TRIM7: variants seen among roughly 807,000 people sequenced by gnomAD.
The protein encoded by TRIM7 is E3 ubiquitin-protein ligase TRIM7.
TRIM7 carries 32 observed loss-of-function variants against 37.9 expected under a neutral mutation model. The observed-to-expected ratio is 0.84, with a 90% CI of 0.64 to 1.13. TRIM7 has a LOEUF of 1.13. Ranked by LOEUF, TRIM7 falls within the 50% of genes most tolerant of loss-of-function variation. The pLI is 0.00. For synonymous variants in TRIM7, 351 were observed against 321.3 expected (o/e 1.09, Z -0.99); for missense variants, 732 against 714.0 (o/e 1.03, Z -0.29).
chr5:181,204,564 C>A (rs1355932325), intron 1 of TRIM7, 25 bp downstream of exon 1: 1 of 1,356,268 alleles, frequency 7.4e-7, no homozygotes, highest in Non-Finnish European at 9.4e-7. Context: ...CGGGGACCCA[C>A]GGGGTGGGTG....
chr5:181,197,790 A>G, intron 6 of TRIM7: 1 of 223,616 alleles, frequency 4.5e-6, no homozygotes, highest in Non-Finnish European at 8.9e-6. Context: ...TTGCAAGAGT[A>G]AAAACGATAT....
At chr5:181,200,338 A>G (rs1356489215) in intron 2 of TRIM7, 1 of 1,420,454 alleles carries the variant, frequency 7.0e-7, no homozygotes, top group Non-Finnish European at 9.1e-7. Flanking sequence ...CCATCACCTA[A>G]ACCAAGGCAG....
rs201350955 is a variant in TRIM7 at position 181,198,708 on chromosome 5, T to A, written c.970A>T (p.Met324Leu). The change falls in exon 5 of 7, where the codon ATG (methionine) becomes TTG (leucine). Residue 324 changes from methionine (M) to leucine (L), a missense_variant. Transcript: ENST00000274773. ...VSLKTFVLKGMLKKFKEDLRG... is the reference protein window; with the variant it reads ...VSLKTFVLKGLLKKFKEDLRG... ...CCCCTACCTTTGAACTTCTTCAGCATCCCTTTTAAGACAAAGGTCTTGAGA... is the reference window on the plus strand; with the variant it reads ...CCCCTACCTTTGAACTTCTTCAGCAACCCTTTTAAGACAAAGGTCTTGAGA... The A allele has an allele frequency of 1.9e-6, 3 of 1,613,686 alleles. No individual in the cohort carries two copies. Among genetic ancestry groups the A allele is most frequent in the Non-Finnish European group, 2.5e-6 (3 of 1,179,604 alleles).
intron 6 of TRIM7, 69 bp from the exon 7 acceptor site, chr5:181,195,746 G>C: frequency 1.3e-6 from 2 of 1,490,076 alleles, no homozygotes; most frequent in Non-Finnish European, 1.8e-6. Flanking sequence ...GCAGGGCCGC[G>C]CCCGACCTTG....
intron 5 of TRIM7, 135 bp from the exon 6 acceptor site, chr5:181,198,353 C>G: frequency 2.1e-6 from 2 of 934,498 alleles, no homozygotes; most frequent in Non-Finnish European, 3.4e-6. Context: ...CGTGCAGGCA[C>G]AGGGCCAAGC....
chr5:181,200,276 C>A, intron 2 of TRIM7, 195 bp from the exon 3 acceptor site: 17 of 1,449,476 alleles, frequency 1.2e-5, no homozygotes, highest in Non-Finnish European at 1.4e-5. Context: ...TGGACACATG[C>A]TCTTTTCTCC....
intron 3 of TRIM7, 102 bp from the exon 4 acceptor site, chr5:181,199,219 A>G: frequency 1.4e-6 from 2 of 1,410,962 alleles, no homozygotes; most frequent in South Asian, 1.2e-5. Context: ...ATGTAAGCAT[A>G]AGCAAGTGTG....
chr5:181,199,408 C>A (rs767931915), intron 3 of TRIM7: 30 of 535,438 alleles, frequency 5.6e-5, no homozygotes, highest in Middle Eastern at 5.0e-4. Context: ...CCATGGGACC[C>A]AGTGCTGCGT....
chr5:181,200,392 C>T (rs746918054), intron 2 of TRIM7: 321 of 1,371,994 alleles, frequency 2.3e-4, no homozygotes, highest in Non-Finnish European at 2.9e-4. Context: ...AGCTTCCTCA[C>T]TTGAAAAGCA....
In TRIM7 at chr5:181,195,641, C is replaced by T. The variant is rs1298696444; in HGVS notation, c.1061G>A (p.Arg354His). Reference protein sequence around the residue: ...LTLDPDTANPRLILSLDLKGV... With the variant: ...LTLDPDTANPHLILSLDLKGV... ...CTTAAGATCCAGAGAGAGGATGAGG[C>T]GCGGGTTGGCCGTGTCGGGATCCAA... Residue 354 changes from arginine to histidine, a missense_variant, in exon 7 of 7, where the codon CGC (arginine) becomes CAC (histidine). Transcript: ENST00000274773. 6.5e-7 allele frequency: 1 copy of T among 1,537,508 alleles called. No homozygotes were observed. Among genetic ancestry groups the T allele is most frequent in the East Asian group, 2.3e-5 (1 of 43,660 alleles).
At chr5:181,199,357 T>A in intron 3 of TRIM7, 2 of 583,104 alleles carry the variant, frequency 3.4e-6, no homozygotes. Flanking sequence ...TCTTTCTATC[T>A]TTGCTGCTTT....
chr5:181,202,635 C>G (rs1373571796), intron 2 of TRIM7: 1 of 146,762 alleles, frequency 6.8e-6, no homozygotes, highest in Non-Finnish European at 1.5e-5. Flanking sequence ...GGCGCGATCT[C>G]GGCTCACTGC....
chr5:181,195,567 G>A lies in TRIM7; in HGVS notation c.1135C>T (p.Arg379Cys), dbSNP rs778604025. 1.9e-6 allele frequency: 3 copies of A among 1,608,486 alleles called. No individual in the cohort carries two copies. Among genetic ancestry groups the A allele is most frequent in the Non-Finnish European group, 1.7e-6 (2 of 1,176,292 alleles). ...AGGACGCGGGTGTTGGTGTCGAAGC[G>A]GCAGGGGTGGTTGGGCAGGTCCTGG... ...RAQDLPNHPC[R>C]FDTNTRVLAS... Residue 379 changes from arginine (R) to cysteine (C), a missense_variant, in exon 7 of 7, where the codon CGC (arginine) becomes TGC (cysteine). Arg to Cys is a radical substitution (Grantham distance 180). Transcript: ENST00000274773.
In TRIM7 at chr5:181,204,838, C is replaced by T; in HGVS notation, c.273G>A (p.Arg91=). 2.2e-6 allele frequency: 3 copies of T among 1,362,746 alleles called. No homozygotes were observed. Among genetic ancestry groups the T allele is most frequent in the Non-Finnish European group, 1.9e-6 (2 of 1,067,580 alleles). The allele number at this position is 1,362,746 out of a possible 1,614,324, so 84.4% of individuals were successfully genotyped here. A position where few individuals can be genotyped will look rare whatever the true frequency, so the allele number is the denominator to read the frequency against. Residue 91 remains arginine, a synonymous_variant, in exon 1 of 7, where the codon CGG becomes CGA. Coordinates refer to ENST00000274773, the MANE Select transcript of TRIM7 (RefSeq NM_203293.3). ...CREPARPSQL[R]PNRQLAAVAT... ...CCACTGCCGCCAGCTGCCGGTTGGG[C>T]CGCAGCTGACTGGGGCGCGCGGGCT...
rs774408562 is a variant in TRIM7, at chr5:181,199,950, A to AT, written c.749dup (p.Asn250LysfsTer2). 6 of 1,614,230 alleles carry AT rather than the reference A, an allele frequency of 3.7e-6. No individual in the cohort carries two copies. The South Asian group carries it at 6.6e-5, about 18-fold the overall frequency. ...CAACCCCGAGCTGGGCCAGGTTCTCATTCTGCTTCTGTGCCACCTCCCGGG... is the reference window on the plus strand; with the variant it reads ...CAACCCCGAGCTGGGCCAGGTTCTCATTTCTGCTTCTGTGCCACCTCCCGGG... On this transcript the variant is annotated frameshift_variant, in exon 3 of 7. Transcript: ENST00000274773. LOFTEE classifies it high-confidence loss of function.
intron 3 of TRIM7, 144 bp downstream of exon 3, chr5:181,199,707 G>C: frequency 7.3e-7 from 1 of 1,376,700 alleles, no homozygotes; most frequent in East Asian, 2.5e-5. Context: ...CCAACCCCAG[G>C]AAAATCAGGG....
chr5:181,198,126 G>C, intron 6 of TRIM7, 57 bp downstream of exon 6: 1 of 1,597,720 alleles, frequency 6.3e-7, no homozygotes, highest in Non-Finnish European at 8.6e-7. Context: ...CACGAGCAGG[G>C]AGTAGGATCT....
chr5:181,205,103 G>C lies in TRIM7; in HGVS notation c.8C>G (p.Ala3Gly). 1 of 1,323,330 alleles carries C rather than the reference G, an allele frequency of 7.6e-7. No homozygotes were observed. The highest frequency in any genetic ancestry group is 2.0e-5 in the South Asian group (1 of 51,172). The allele number at this position is 1,323,330 out of a possible 1,614,324, so 82.0% of individuals were successfully genotyped here. A position where few individuals can be genotyped will look rare whatever the true frequency, so the allele number is the denominator to read the frequency against. MA[A>G]VGPRTGPGTG... is the part of the protein sequence containing the mutation. ...TCCGGGGCCGGTCCGCGGTCCCACA[G>C]CCGCCATGCGCGCTCTCCGCGCACC... The change falls in exon 1 of 7, where the codon GCT becomes GGT. Residue 3 changes from alanine (A) to glycine (G), a missense_variant. By Grantham distance (60) the Ala-to-Gly change is moderately conservative. Coordinates refer to ENST00000274773, the MANE Select transcript of TRIM7 (RefSeq NM_203293.3).
At chr5:181,197,134 C>T (rs1001887403) in intron 6 of TRIM7, 5 of 147,838 alleles carry the variant, frequency 3.4e-5, no homozygotes, top group African/African-American at 1.0e-4. Context: ...GGCAACAAAG[C>T]GATACCTTGT....
Sources: allele counts gnomAD v4.1 joint callset, GRCh38; gene constraint gnomAD v4.1.1; transcripts MANE v1.5; gene names NCBI Gene and HGNC (gene_info 2026-07-23, HGNC 2026-07-21).